Variants in MAP2K4 observed in about 807,000 individuals in gnomAD.
The protein encoded by MAP2K4 is mitogen-activated protein kinase kinase 4.
In MAP2K4, 4 loss-of-function variants were observed where a neutral mutation model predicts 48.5. That is an observed-to-expected ratio of 0.08 (90% CI 0.04 to 0.19). The LOEUF (loss-of-function observed/expected upper bound fraction) is 0.19. Ranked by LOEUF, MAP2K4 falls within the 10% of genes least tolerant of loss-of-function variation. The pLI, the probability that MAP2K4 is intolerant of heterozygous loss-of-function variation, is 1.00. For synonymous variants in MAP2K4, 166 were observed against 173.1 expected (o/e 0.96, Z 0.32); for missense variants, 258 against 493.3 (o/e 0.52, Z 4.52).
At chr17:12,025,239 TTTCTC>T (rs769395798) in intron 1 of MAP2K4, among the ~76,000 whole-genome samples, 2 of 152,236 alleles carry the variant, frequency 1.3e-5, no homozygotes, top group Non-Finnish European at 2.9e-5. Context: ...TTCCCTAACT[TTTCTC>T]AACTCTCTGT....
intron 5 of MAP2K4, among the ~76,000 whole-genome samples, chr17:12,109,275 A>G (rs1972227332): frequency 6.6e-6 from 1 of 152,172 alleles, no homozygotes; most frequent in African/African-American, 2.4e-5. Flanking sequence ...ATATATTGCA[A>G]TATAAAGAAT....
chr17:12,101,629 C>G (rs1174070530), intron 4 of MAP2K4, among the ~76,000 whole-genome samples: 1 of 152,040 alleles, frequency 6.6e-6, no homozygotes, highest in African/African-American at 2.4e-5. Context: ...GCATTGATAT[C>G]TTAACAGTAT....
intron 1 of MAP2K4, among the ~76,000 whole-genome samples, chr17:12,036,149 GATAAA>G (rs1415933718): frequency 4.0e-5 from 6 of 151,896 alleles, no homozygotes; most frequent in African/African-American, 4.8e-5. Flanking sequence ...GTTTATTTTA[GATAAA>G]ATAAACTTCA....
intron 10 of MAP2K4, 36 bp from the exon 11 acceptor site, chr17:12,141,111 A>C (rs751956440): frequency 1.3e-5 from 18 of 1,379,900 alleles, no homozygotes; most frequent in Non-Finnish European, 1.9e-5. Flanking sequence ...GCTGTCATAC[A>C]AACTTTTGAC....
intron 2 of MAP2K4, among the ~76,000 whole-genome samples, chr17:12,080,266 T>C (rs751991959): frequency 1.3e-5 from 2 of 152,162 alleles, no homozygotes; most frequent in Non-Finnish European, 2.9e-5. Context: ...ACTTTGCTTG[T>C]TTGCATCATA....
intron 4 of MAP2K4, among the ~76,000 whole-genome samples, chr17:12,103,684 C>T (rs1470890869): frequency 2.6e-5 from 4 of 151,998 alleles, no homozygotes; most frequent in Non-Finnish European, 5.9e-5. Flanking sequence ...TTAGGTCATC[C>T]ATATGTGCAT....
chr17:12,042,038 G>A (rs1008013410), intron 1 of MAP2K4, among the ~76,000 whole-genome samples: 1 of 151,726 alleles, frequency 6.6e-6, no homozygotes, highest in Non-Finnish European at 1.5e-5. Context: ...AAAATTAGCC[G>A]GGTGTGGTGG....
chr17:12,077,518 C>G (rs1187066552), intron 2 of MAP2K4, among the ~76,000 whole-genome samples: 1 of 152,136 alleles, frequency 6.6e-6, no homozygotes, highest in Non-Finnish European at 1.5e-5. Context: ...AGTAGCTTCA[C>G]TGTTATTGGA....
intron 1 of MAP2K4, among the ~76,000 whole-genome samples, chr17:12,044,816 C>A (rs1214862507): frequency 6.6e-6 from 1 of 152,194 alleles, no homozygotes; most frequent in Non-Finnish European, 1.5e-5. Flanking sequence ...CTGTCCGGCT[C>A]CCAGTTGGGT....
chr17:12,023,765 C>G (rs1021243534), intron 1 of MAP2K4, among the ~76,000 whole-genome samples: 1 of 152,106 alleles, frequency 6.6e-6, no homozygotes, highest in African/African-American at 2.4e-5. Flanking sequence ...GTTTGAATCT[C>G]TTGGCCAGGA....
intron 8 of MAP2K4, among the ~76,000 whole-genome samples, chr17:12,126,592 A>G (rs1300401132): frequency 1.3e-5 from 2 of 152,202 alleles, no homozygotes; most frequent in Non-Finnish European, 2.9e-5. Flanking sequence ...TTACAAGGGC[A>G]CTAATTAGAT....
At chr17:12,026,377 C>T (rs899959611) in intron 1 of MAP2K4, among the ~76,000 whole-genome samples, 10 of 151,926 alleles carry the variant, frequency 6.6e-5, no homozygotes, top group African/African-American at 1.7e-4. Context: ...TCTACATAAT[C>T]GAGGTCAGTC....
At chr17:12,103,791 A>G (rs868580170) in intron 4 of MAP2K4, among the ~76,000 whole-genome samples, 1 of 152,154 alleles carries the variant, frequency 6.6e-6, no homozygotes, top group African/African-American at 2.4e-5. Context: ...TATTCAACAT[A>G]GTTTTATTCA....
At chr17:12,101,785 C>G (rs1008806433) in intron 4 of MAP2K4, among the ~76,000 whole-genome samples, 1 of 152,046 alleles carries the variant, frequency 6.6e-6, no homozygotes, top group Non-Finnish European at 1.5e-5. Flanking sequence ...ATTTTTAATG[C>G]TAATACGTAT....
intron 4 of MAP2K4, among the ~76,000 whole-genome samples, chr17:12,103,431 T>G (rs1972005742): frequency 6.6e-6 from 1 of 152,082 alleles, no homozygotes; most frequent in African/African-American, 2.4e-5. Flanking sequence ...GGTTTCTTCC[T>G]TTTACTTATT....
At chr17:12,056,992 A>G (rs1970300090) in intron 2 of MAP2K4, among the ~76,000 whole-genome samples, 1 of 152,190 alleles carries the variant, frequency 6.6e-6, no homozygotes. Flanking sequence ...AAAAGATAAG[A>G]TGAAATAAGC....
intron 7 of MAP2K4, among the ~76,000 whole-genome samples, chr17:12,122,716 T>C (rs947895243): frequency 6.6e-6 from 1 of 152,190 alleles, no homozygotes; most frequent in Admixed American, 6.5e-5. Flanking sequence ...ATGCCCAATA[T>C]TAATTAAAAA....
At chr17:12,082,258 G>C (rs972132587) in intron 3 of MAP2K4, among the ~76,000 whole-genome samples, 2 of 151,836 alleles carry the variant, frequency 1.3e-5, no homozygotes, top group Admixed American at 6.6e-5. Flanking sequence ...TCATGTAATT[G>C]TAATTTATTC....
chr17:12,103,065 G>C (rs1458060407), intron 4 of MAP2K4, among the ~76,000 whole-genome samples: 1 of 150,584 alleles, frequency 6.6e-6, no homozygotes, highest in Non-Finnish European at 1.5e-5. Context: ...AAAAAGTCAG[G>C]GTCTTGCTCT....
Sources: gnomAD v4.1 joint callset for allele counts (sites outside exome capture counted in the v4.1 genomes callset) on GRCh38, gnomAD v4.1.1 for gene constraint, MANE v1.5 for transcripts, NCBI Gene and HGNC (gene_info 2026-07-23, HGNC 2026-07-21) for gene names.